The following KIF5A variants were observed in gnomAD, a reference collection of about 807,000 sequenced individuals.
KIF5A encodes the protein kinesin family member 5A.
KIF5A carries 35 observed loss-of-function variants against 141.3 expected under a neutral mutation model. The ratio of observed to expected loss-of-function variants is 0.25; its 90% CI spans 0.19 to 0.33. KIF5A has a LOEUF of 0.33. KIF5A is among the 10% of genes least tolerant of loss of function. The probability of loss-of-function intolerance (pLI) is 1.00; values close to 1 mark genes in which losing one functional copy is unlikely to be tolerated. For synonymous variants in KIF5A, 448 were observed against 500.2 expected (o/e 0.90, Z 1.39); for missense variants, 861 against 1,314.3 (o/e 0.66, Z 5.33).
At chr12:57,564,360 C>T (rs1475768595) in intron 4 of KIF5A, 100 bp from the exon 5 acceptor site, 24 of 1,116,618 alleles carry the variant, frequency 2.1e-5, no homozygotes, top group Non-Finnish European at 3.2e-5. Flanking sequence ...TGTTCTTTTC[C>T]TCCCACCACC....
intron 17 of KIF5A, 105 bp from the exon 18 acceptor site, chr12:57,575,982 C>A: frequency 9.1e-7 from 1 of 1,097,426 alleles, no homozygotes; most frequent in Non-Finnish European, 1.4e-6. Flanking sequence ...AGAAGAACAT[C>A]CCTGTGGGTC....
chr12:57,581,482 T>A lies in KIF5A; in HGVS notation c.2823T>A (p.Pro941=), dbSNP rs1335789345. Residue 941 remains proline (P), a synonymous_variant, in exon 25 of 29, where the codon CCT becomes CCA. Transcript: ENST00000455537. ...SPTNPYGTRS[P]ECISYTNSLF... is the part of the protein sequence containing the mutation. ...CCAACCCCTATGGCACCCGGAGCCCTGAGTGCATCAGTTACACCAACAGCC... is the reference window on the plus strand; with the variant it reads ...CCAACCCCTATGGCACCCGGAGCCCAGAGTGCATCAGTTACACCAACAGCC... 6.2e-7 allele frequency: 1 copy of A among 1,614,024 alleles called. No homozygotes were observed. The highest frequency in any genetic ancestry group is 8.5e-7 in the Non-Finnish European group (1 of 1,179,984).
chr12:57,575,482 A>G (rs777735084), intron 16 of KIF5A, among the ~76,000 whole-genome samples, 158 bp from the exon 17 acceptor site: 1 of 152,144 alleles, frequency 6.6e-6, no homozygotes, highest in Non-Finnish European at 1.5e-5. Flanking sequence ...CATGGGAGCT[A>G]AAGGAAGAGC....
intron 6 of KIF5A, among the ~76,000 whole-genome samples, chr12:57,566,406 G>A (rs997019229): frequency 1.3e-5 from 2 of 149,718 alleles, no homozygotes; most frequent in African/African-American, 2.5e-5. Flanking sequence ...ACCTGGCTGC[G>A]ACAGTGTTTT....
rs1882287940 is a variant in KIF5A, at chr12:57,572,509, G to A, written c.1570-71G>A. On this transcript the variant is annotated intron_variant, in intron 14 of 28. Coordinates refer to ENST00000455537, the MANE Select transcript of KIF5A (RefSeq NM_004984.4). This position sits in a 1 kb window ranked among gnomAD's most constrained non-coding sequence, Gnocchi z 4.2. ...GCCCTCAGGGTCTTGCATGAAGGGA[G>A]AGGCCTCTGCCTGGGCTGGGCAAGG... The A allele has an allele frequency of 6.3e-7, 1 of 1,598,552 alleles. No individual in the cohort carries two copies. Among genetic ancestry groups the A allele is most frequent in the Non-Finnish European group, 8.6e-7 (1 of 1,168,370 alleles).
rs376249839 is a variant in KIF5A, at chr12:57,572,105, G to T, written c.1407G>T (p.Glu469Asp). ...TRGDNEKVQR[E>D]LSHLQSENDA... ...GAGACAACGAGAAGGTCCAGCGGGA[G>T]CTGAGCCACCTGCAATCAGAGAACG... Residue 469 changes from glutamate (E) to aspartate (D), a missense_variant, in exon 14 of 29, where the codon GAG becomes GAT. By Grantham distance (45) the Glu-to-Asp change is conservative (BLOSUM62 2). Transcript: ENST00000455537. The surrounding 1 kb of genome is among the most constrained non-coding windows in gnomAD (Gnocchi z 4.2). 7.0e-5 allele frequency: 113 copies of T among 1,613,936 alleles called. No individual in the cohort carries two copies. Among genetic ancestry groups the T allele is most frequent in the Non-Finnish European group, 9.4e-5 (111 of 1,180,036 alleles).
At position 57,568,701 on chromosome 12, in the gene KIF5A, C is replaced by T. The variant is rs755730497; in HGVS notation, c.715-262C>T. On this transcript the variant is annotated intron_variant, in intron 8 of 28. Transcript: ENST00000455537. ...GATCGCACCATTGCACTCCAGCCTG[C>T]GCAACAAGAGTGAAACTCCATCTCA... Among the ~76,000 whole-genome samples the T allele has an allele frequency of 4.7e-5, 7 of 149,574 alleles. No homozygotes were observed. In the South Asian group the frequency reaches 8.4e-4, roughly 18 times the overall value.
chr12:57,558,052 A>G (rs543679457), intron 1 of KIF5A, among the ~76,000 whole-genome samples: 3 of 152,226 alleles, frequency 2.0e-5, no homozygotes, highest in Non-Finnish European at 4.4e-5. Flanking sequence ...AAATACATAT[A>G]TACATGCATA....
intron 7 of KIF5A, 38 bp downstream of exon 7, chr12:57,567,251 A>G: frequency 6.6e-7 from 1 of 1,525,014 alleles, no homozygotes; most frequent in East Asian, 2.3e-5. Flanking sequence ...GAGTCTGAGG[A>G]TCCACTTGTG....
chr12:57,578,488 A>C (rs1882498076), intron 23 of KIF5A, 146 bp downstream of exon 23: 1 of 691,258 alleles, frequency 1.4e-6, no homozygotes, highest in African/African-American at 1.8e-5. Flanking sequence ...TCCCTTCTTT[A>C]TACCATATTT....
rs1434261778 is a variant in KIF5A, at chr12:57,569,659, G to T, written c.1093G>T (p.Ala365Ser). Residue 365 changes from alanine to serine, a missense_variant, in exon 11 of 29, where the codon GCT (alanine) becomes TCT (serine). Coordinates refer to ENST00000455537, the MANE Select transcript of KIF5A (RefSeq NM_004984.4). ...GAAGGAGACGATTGCGAAGCTGGAG[G>T]CTGAGCTGAGCCGGTGGCGCAATGG... Reference protein sequence around the residue: ...AQKETIAKLEAELSRWRNGEN... With the variant: ...AQKETIAKLESELSRWRNGEN... The T allele has an allele frequency of 6.2e-7, 1 of 1,613,992 alleles. No individual in the cohort carries two copies. The highest frequency in any genetic ancestry group is 1.3e-5 in the African/African-American group (1 of 75,052).
At chr12:57,571,868 C>G (rs909084506) in intron 13 of KIF5A, among the ~76,000 whole-genome samples, 193 bp from the exon 14 acceptor site, 4 of 152,154 alleles carry the variant, frequency 2.6e-5, no homozygotes, top group African/African-American at 9.7e-5. Flanking sequence ...TGGGGCTTTT[C>G]TTAAAGCACA....
At position 57,570,664 on chromosome 12, in the gene KIF5A, C is replaced by T. The variant is rs553186684; in HGVS notation, c.1293+502C>T. Among the ~76,000 whole-genome samples the T allele has an allele frequency of 7.9e-5, 12 of 152,296 alleles. No individual in the cohort carries two copies. The East Asian group carries it at 1.2e-3, about 15-fold the overall frequency. On this transcript the variant is annotated intron_variant, in intron 12 of 28. Transcript: ENST00000455537. ...CCCCCTGAAGTGCTTGGATTACAGG[C>T]GTGAGCCACCGTGCCCGGCCTGTAT...
At chr12:57,555,260 T>A (rs532814067) in intron 1 of KIF5A, among the ~76,000 whole-genome samples, 11 of 152,190 alleles carry the variant, frequency 7.2e-5, no homozygotes, top group Non-Finnish European at 1.6e-4. Flanking sequence ...GCTTCCCATG[T>A]CTATGGGCAG....
At chr12:57,576,503 C>T in intron 19 of KIF5A, 125 bp downstream of exon 19, 1 of 787,746 alleles carries the variant, frequency 1.3e-6, no homozygotes, top group Non-Finnish European at 2.2e-6. Context: ...AATGCCACAA[C>T]TTCGTAGCCC....
Position 57,550,225 on chromosome 12 carries a change from C to T in KIF5A, c.-47C>T, listed in dbSNP as rs775395736. ...GAGCCCTCTCCTCTGGAGCACACAC[C>T]ACCCCTGCAGCCCAAGAAGAGTCCC... On this transcript the variant is annotated 5_prime_UTR_variant, in exon 1 of 29. Coordinates refer to ENST00000455537, the MANE Select transcript of KIF5A (RefSeq NM_004984.4). The surrounding 1 kb of genome is among the most constrained non-coding windows in gnomAD (Gnocchi z 4.6). 4.3e-6 allele frequency: 7 copies of T among 1,612,510 alleles called. No homozygotes were observed. In the South Asian group the frequency reaches 6.6e-5, roughly 15 times the overall value.
At chr12:57,581,315 GT>G in intron 24 of KIF5A, 99 bp from the exon 25 acceptor site, 1 of 1,561,736 alleles carries the variant, frequency 6.4e-7, no homozygotes, top group Non-Finnish European at 8.8e-7. Flanking sequence ...AAGTGATTAT[GT>G]TACAAGCAAC....
intron 1 of KIF5A, among the ~76,000 whole-genome samples, chr12:57,552,793 G>T (rs974654996): frequency 2.0e-5 from 3 of 152,160 alleles, no homozygotes; most frequent in African/African-American, 7.2e-5. Flanking sequence ...GAAGAGTGAA[G>T]GTGGGAGAGA....
Position 57,575,132 on chromosome 12 carries a change from CT to C in KIF5A, c.1766del (p.Leu589ProfsTer33), listed in dbSNP as rs1187994334. 6.2e-7 allele frequency: 1 copy of C among 1,614,062 alleles called. No homozygotes were observed. The highest frequency in any genetic ancestry group is 8.5e-7 in the Non-Finnish European group (1 of 1,180,010). On this transcript the variant is annotated frameshift_variant, in exon 16 of 29. Coordinates refer to ENST00000455537, the MANE Select transcript of KIF5A (RefSeq NM_004984.4). LOFTEE classifies it high-confidence loss of function. Reference protein sequence around the residue: ...AIEEEFTVARLYISKIKSEVK... With the variant: ...AIEEEFTVARXYISKIKSEVK... ...CGAGGAGGAGTTCACTGTGGCCCGA[CT>C]CTACATCAGCAAAATCAAATCAGAA...
Sources: allele counts gnomAD v4.1 joint callset (sites outside exome capture counted in the v4.1 genomes callset), GRCh38; gene constraint gnomAD v4.1.1; non-coding constraint Gnocchi (gnomAD v3.1); transcripts MANE v1.5; gene names NCBI Gene and HGNC (gene_info 2026-07-23, HGNC 2026-07-21).